EDC3: variants seen among roughly 807,000 people sequenced by gnomAD.
EDC3 encodes the protein enhancer of mRNA-decapping protein 3.
A neutral mutation model predicts 41.8 loss-of-function variants in EDC3; 20 were observed. That is an observed-to-expected ratio of 0.48 (90% CI 0.34 to 0.70). The LOEUF is 0.70. Ranked by LOEUF, EDC3 falls within the 30% of genes least tolerant of loss-of-function variation. The probability of loss-of-function intolerance (pLI) is 0.01; values close to 1 mark genes in which losing one functional copy is unlikely to be tolerated. For missense variants in EDC3, 444 were observed against 636.8 expected (o/e 0.70, Z 3.26); for synonymous variants, 206 against 243.2 (o/e 0.85, Z 1.42).
intron 3 of EDC3, among the ~76,000 whole-genome samples, chr15:74,667,810 T>C (rs764898783): frequency 3.3e-5 from 5 of 152,264 alleles, no homozygotes; most frequent in Non-Finnish European, 5.9e-5. Context: ...CATAAAAGAA[T>C]TCCAAGTAAT....
At chr15:74,646,759 G>T (rs1431137609) in intron 4 of EDC3, among the ~76,000 whole-genome samples, 3 of 152,292 alleles carry the variant, frequency 2.0e-5, no homozygotes, top group South Asian at 4.1e-4. Flanking sequence ...GGATAAAGTT[G>T]ACAGGGGTAG....
Position 74,670,594 on chromosome 15 carries a change from T to A in EDC3, c.484+861A>T, listed in dbSNP as rs577652715. Among the ~76,000 whole-genome samples the A allele has an allele frequency of 5.0e-4, 76 of 152,260 alleles. 1 individual carries two copies. Among genetic ancestry groups the A allele is most frequent in the African/African-American group, 1.7e-3 (71 of 41,568 alleles). On this transcript the variant is annotated intron_variant, in intron 3 of 6. Transcript: ENST00000315127. Reference sequence around the variant, plus strand: ...ACAGGCATGCACCTCCACGTCCGGATAATTTTTGTATTTTTAGCAGAGACG... The same window carrying A: ...ACAGGCATGCACCTCCACGTCCGGAAAATTTTTGTATTTTTAGCAGAGACG...
At chr15:74,682,817 G>A (rs1338011407) in intron 1 of EDC3, among the ~76,000 whole-genome samples, 2 of 151,924 alleles carry the variant, frequency 1.3e-5, no homozygotes, top group South Asian at 4.2e-4. Flanking sequence ...GAGGTCGGGA[G>A]TTCGAGACCA....
At chr15:74,655,546 C>T (rs1249248872) in intron 4 of EDC3, among the ~76,000 whole-genome samples, 187 bp downstream of exon 4, 7 of 152,140 alleles carry the variant, frequency 4.6e-5, no homozygotes, top group Admixed American at 4.6e-4. Context: ...ACAGAAATTA[C>T]CCCTCCACCA....
At chr15:74,693,656 G>A (rs1012035122) in intron 1 of EDC3, among the ~76,000 whole-genome samples, 2 of 152,012 alleles carry the variant, frequency 1.3e-5, no homozygotes, top group African/African-American at 2.4e-5. Context: ...CCACAATCTG[G>A]CAAATTCCTC....
chr15:74,652,008 C>T (rs929958231), intron 4 of EDC3, among the ~76,000 whole-genome samples: 1 of 152,198 alleles, frequency 6.6e-6, no homozygotes, highest in Non-Finnish European at 1.5e-5. Context: ...GACTGCACGG[C>T]TGACTGCTTT....
chr15:74,678,489 T>C (rs984464383), intron 1 of EDC3, among the ~76,000 whole-genome samples: 11 of 152,260 alleles, frequency 7.2e-5, no homozygotes, highest in Admixed American at 2.6e-4. Context: ...ATGGCTTTAC[T>C]GGCTTTTTCT....
intron 3 of EDC3, among the ~76,000 whole-genome samples, chr15:74,657,215 A>G (rs375050640): frequency 2.0e-5 from 3 of 152,242 alleles, no homozygotes; most frequent in African/African-American, 7.2e-5. Context: ...AAAGAGCACC[A>G]TAACACATCC....
At chr15:74,663,077 A>G (rs1454734983) in intron 3 of EDC3, among the ~76,000 whole-genome samples, 2 of 152,164 alleles carry the variant, frequency 1.3e-5, no homozygotes, top group Non-Finnish European at 2.9e-5. Flanking sequence ...ACCTGAGCTC[A>G]GGAGTTCGAG....
chr15:74,658,837 G>A (rs146448829), intron 3 of EDC3, among the ~76,000 whole-genome samples: 3,544 of 152,180 alleles, frequency 0.023, 141 homozygotes, highest in African/African-American at 0.081. Flanking sequence ...CTACTCAGGA[G>A]GCTGAGGCAG....
intron 4 of EDC3, among the ~76,000 whole-genome samples, chr15:74,650,974 G>A (rs889708734): frequency 5.9e-5 from 9 of 151,824 alleles, no homozygotes; most frequent in Admixed American, 2.6e-4. Flanking sequence ...CTCCAGCCTG[G>A]GTGCCAGAGT....
intron 1 of EDC3, among the ~76,000 whole-genome samples, chr15:74,690,459 C>T (rs185114724): frequency 1.2e-3 from 184 of 152,304 alleles, no homozygotes; most frequent in South Asian, 2.5e-3. Flanking sequence ...AATCTAGCTA[C>T]CTCCATCTCT....
At chr15:74,691,155 A>G (rs2063003472) in intron 1 of EDC3, among the ~76,000 whole-genome samples, 1 of 152,032 alleles carries the variant, frequency 6.6e-6, no homozygotes, top group Non-Finnish European at 1.5e-5. Context: ...AAAAAAAGAA[A>G]AAAATGAAAT....
At chr15:74,675,254 A>C in intron 1 of EDC3, 112 bp from the exon 2 acceptor site, 1 of 986,800 alleles carries the variant, frequency 1.0e-6, no homozygotes, top group South Asian at 2.2e-5. Context: ...AACATATTCT[A>C]TCACATTGTT....
At chr15:74,675,808 G>A (rs1456392849) in intron 1 of EDC3, among the ~76,000 whole-genome samples, 2 of 149,846 alleles carry the variant, frequency 1.3e-5, no homozygotes, top group African/African-American at 4.9e-5. Context: ...GTCAACCCAG[G>A]AGGCGGAGGT....
chr15:74,686,535 A>G (rs1447823307), intron 1 of EDC3, among the ~76,000 whole-genome samples: 1 of 151,976 alleles, frequency 6.6e-6, no homozygotes, highest in East Asian at 1.9e-4. Context: ...CTATAATCCC[A>G]GCACTTTCAG....
chr15:74,695,389 C>A (rs1216956438), intron 1 of EDC3: 1 of 152,150 alleles, frequency 6.6e-6, no homozygotes, highest in African/African-American at 2.4e-5. Flanking sequence ...AGAAATGAAT[C>A]CAGGGATAAC....
At chr15:74,650,957 T>C (rs1268124966) in intron 4 of EDC3, among the ~76,000 whole-genome samples, 1 of 152,088 alleles carries the variant, frequency 6.6e-6, no homozygotes, top group Non-Finnish European at 1.5e-5. Flanking sequence ...GATACTGCAC[T>C]ACTGCACTCC....
intron 3 of EDC3, among the ~76,000 whole-genome samples, chr15:74,656,911 A>G (rs1049043558): frequency 3.3e-5 from 5 of 152,222 alleles, no homozygotes; most frequent in African/African-American, 9.6e-5. Flanking sequence ...CTGTGTAACT[A>G]TGGAGAAGAA....
Sources: gnomAD v4.1 joint callset for allele counts (sites outside exome capture counted in the v4.1 genomes callset) on GRCh38, gnomAD v4.1.1 for gene constraint, MANE v1.5 for transcripts, NCBI Gene and HGNC (gene_info 2026-07-23, HGNC 2026-07-21) for gene names.